SGCD: variants seen among roughly 807,000 people sequenced by gnomAD.
SGCD encodes sarcoglycan delta.
In SGCD, 18 loss-of-function variants were observed where a neutral mutation model predicts 36.6. The ratio of observed to expected loss-of-function variants is 0.49; its 90% CI spans 0.34 to 0.73. SGCD has a LOEUF of 0.73. Ranked by LOEUF, SGCD falls within the 30% of genes least tolerant of loss-of-function variation. The pLI, the probability that SGCD is intolerant of heterozygous loss-of-function variation, is 0.01. For missense variants in SGCD, 387 were observed against 346.7 expected, an observed-to-expected ratio of 1.12 and a Z score of -0.92; for synonymous variants, 133 against 130.6, an observed-to-expected ratio of 1.02 and a Z score of -0.12.
intron 2 of SGCD, among the ~76,000 whole-genome samples, chr5:156,333,657 T>C (rs1171739221): frequency 6.6e-6 from 1 of 152,062 alleles, no homozygotes; most frequent in Non-Finnish European, 1.5e-5. Context: ...AAAATAGAAA[T>C]GATTGTGAGG....
intron 1 of SGCD, among the ~76,000 whole-genome samples, chr5:155,887,125 A>T (rs1580971931): frequency 6.6e-6 from 1 of 152,346 alleles, no homozygotes; most frequent in African/African-American, 2.4e-5. Context: ...AAATATCAGT[A>T]GAATGGAGTA....
intron 7 of SGCD, among the ~76,000 whole-genome samples, chr5:156,748,373 A>G (rs1399775222): frequency 6.6e-6 from 1 of 152,200 alleles, no homozygotes; most frequent in Non-Finnish European, 1.5e-5. Context: ...CCTCAATAAA[A>G]AGTCATCTGA....
intron 1 of SGCD, among the ~76,000 whole-genome samples, chr5:155,878,761 C>T (rs1172520006): frequency 1.3e-5 from 2 of 152,046 alleles, no homozygotes; most frequent in East Asian, 1.9e-4. Context: ...CATATAACAT[C>T]GTTGGCACTA....
intron 6 of SGCD, among the ~76,000 whole-genome samples, chr5:156,631,950 A>G (rs548951637): frequency 1.3e-5 from 2 of 152,316 alleles, no homozygotes; most frequent in East Asian, 3.9e-4. Context: ...TATTTAGGGT[A>G]TGTCTAATTG....
chr5:156,181,207 C>T (rs1763597382), intron 3 of SGCD, among the ~76,000 whole-genome samples: 1 of 152,062 alleles, frequency 6.6e-6, no homozygotes, highest in Non-Finnish European at 1.5e-5. Context: ...TTGTTTTCTG[C>T]ACCCCAAAAA....
At chr5:156,400,468 C>G (rs955981776) in intron 3 of SGCD, among the ~76,000 whole-genome samples, 4 of 152,180 alleles carry the variant, frequency 2.6e-5, no homozygotes, top group Non-Finnish European at 5.9e-5. Context: ...GGACAGATAA[C>G]TACTGAAGCA....
intron 6 of SGCD, among the ~76,000 whole-genome samples, chr5:156,629,093 G>A (rs1052963962): frequency 6.6e-6 from 1 of 152,194 alleles, no homozygotes; most frequent in Admixed American, 6.5e-5. Flanking sequence ...GGGAAATGAT[G>A]AGAGTATCTA....
chr5:155,847,189 G>A, the SGCD span, among the ~76,000 whole-genome samples: 1 of 152,184 alleles, frequency 6.6e-6, no homozygotes, highest in Non-Finnish European at 1.5e-5. Flanking sequence ...GCATGAATGA[G>A]ATCTCATGTA....
intron 1 of SGCD, among the ~76,000 whole-genome samples, chr5:155,967,593 G>A (rs1013365101): frequency 1.3e-5 from 2 of 151,956 alleles, no homozygotes; most frequent in African/African-American, 4.8e-5. Context: ...TGTGAAGAAA[G>A]TAAATGCCTC....
At chr5:155,876,573 C>A (rs910443058) in intron 1 of SGCD, among the ~76,000 whole-genome samples, 1 of 151,920 alleles carries the variant, frequency 6.6e-6, no homozygotes, top group Non-Finnish European at 1.5e-5. Flanking sequence ...ACCTTAGAAG[C>A]AAATACTGTA....
chr5:156,581,425 G>A (rs1469107521), intron 4 of SGCD, among the ~76,000 whole-genome samples: 1 of 152,200 alleles, frequency 6.6e-6, no homozygotes, highest in African/African-American at 2.4e-5. Context: ...CCCAAACGCT[G>A]TGCTGGGAGA....
At position 156,603,721 on chromosome 5, in the gene SGCD, T is replaced by C. The variant is rs541658834; in HGVS notation, c.502+8670T>C. Among the ~76,000 whole-genome samples the C allele has an allele frequency of 5.7e-4, 86 of 152,178 alleles. 1 individual carries two copies. Among genetic ancestry groups the C allele is most frequent in the African/African-American group, 2.0e-3 (82 of 41,584 alleles). ...TATTTGTAAAGTTCTGAAGTTTTTC[T>C]TCTAGTTGATTTCTAGTTTTATACC... On this transcript the variant is annotated intron_variant, in intron 6 of 8. Coordinates refer to ENST00000337851, the MANE Select transcript of SGCD (RefSeq NM_000337.6).
chr5:156,166,668 T>C (rs1181276687), intron 3 of SGCD, among the ~76,000 whole-genome samples: 4 of 152,310 alleles, frequency 2.6e-5, no homozygotes, highest in African/African-American at 7.2e-5. Context: ...TCGTTCTGAC[T>C]GAACAGAGAC....
chr5:156,678,854 C>T (rs190616611), intron 7 of SGCD, among the ~76,000 whole-genome samples: 5 of 152,090 alleles, frequency 3.3e-5, no homozygotes, highest in African/African-American at 4.8e-5. Flanking sequence ...AGACAGACAC[C>T]GAAGCATTTT....
rs555441513 is a variant in SGCD, at chr5:156,256,540, T to C, written c.-43-72994T>C. On this transcript the variant is annotated intron_variant, in intron 3 of 9. Transcript: ENST00000517913. ...CTAGTATCATTACATTCTGTAGATA[T>C]ATGATGATTTATTTATCCTTTCTCC... 2.9e-4 allele frequency among the ~76,000 whole-genome samples: 44 copies of C among 152,336 alleles called. No individual in the cohort carries two copies. The Middle Eastern group carries it at 0.01, about 36-fold the overall frequency.
At chr5:156,072,500 G>A (rs1486454223) in intron 1 of SGCD, among the ~76,000 whole-genome samples, 11 of 151,896 alleles carry the variant, frequency 7.2e-5, no homozygotes, top group Admixed American at 5.2e-4. Context: ...CGAGAGATCC[G>A]CTGTTAGTCT....
chr5:156,002,142 A>G (rs1446278741), intron 1 of SGCD, among the ~76,000 whole-genome samples: 2 of 152,126 alleles, frequency 1.3e-5, no homozygotes, highest in Non-Finnish European at 1.5e-5. Context: ...TCGCGTCTTT[A>G]AAGAGGTAAT....
intron 3 of SGCD, among the ~76,000 whole-genome samples, chr5:156,383,428 C>T (rs1771102937): frequency 6.6e-6 from 1 of 152,052 alleles, no homozygotes; most frequent in Non-Finnish European, 1.5e-5. Context: ...CACTCGAACC[C>T]AGTAGGCGGA....
intron 3 of SGCD, among the ~76,000 whole-genome samples, chr5:156,461,569 A>G (rs1754490828): frequency 6.6e-6 from 1 of 152,140 alleles, no homozygotes; most frequent in Admixed American, 6.6e-5. Flanking sequence ...CATATATAAA[A>G]TATTGTTAAT....
Sources: allele counts gnomAD v4.1 joint callset (sites outside exome capture counted in the v4.1 genomes callset), GRCh38; gene constraint gnomAD v4.1.1; transcripts MANE v1.5; gene names NCBI Gene and HGNC (gene_info 2026-07-23, HGNC 2026-07-21).